Variants in SNX29 observed in about 807,000 individuals in gnomAD.
The protein encoded by SNX29 is sorting nexin 29, also known as sorting nexin-29.
SNX29 carries 78 observed loss-of-function variants against 102.1 expected under a neutral mutation model. The observed-to-expected ratio is 0.76, with a 90% CI of 0.64 to 0.92. SNX29 has a LOEUF of 0.92. Among genes scored for constraint, SNX29 ranks in the 40% least tolerant of loss-of-function variants. The pLI, the probability that SNX29 is intolerant of heterozygous loss-of-function variation, is 0.00. For synonymous variants in SNX29, 580 were observed against 414.5 expected (o/e 1.40, Z -4.85); for missense variants, 1,280 against 1,061.7 (o/e 1.21, Z -2.86).
chr16:12,331,252 C>A (rs1478057895), intron 15 of SNX29, among the ~76,000 whole-genome samples: 1 of 152,210 alleles, frequency 6.6e-6, no homozygotes, highest in Non-Finnish European at 1.5e-5. Flanking sequence ...ACACAGAGAT[C>A]ATGAGATTTA....
In SNX29 at chr16:12,569,556, C is replaced by T. The variant is rs12446991; in HGVS notation, c.*927C>T. 23 of 231,220 alleles carry T rather than the reference C, an allele frequency of 9.9e-5. No individual in the cohort carries two copies. The highest frequency in any genetic ancestry group is 6.8e-4 in the Admixed American group (12 of 17,700). The allele number at this position is 231,220 out of a possible 1,614,324, so 14.3% of individuals were successfully genotyped here. ...GACCCAGTGTGGACACTTAACAGAT[C>T]ATGTGTCTCTCCACTAAAAACATTT... On this transcript the variant is annotated 3_prime_UTR_variant, in exon 21 of 21. Transcript: ENST00000566228.
chr16:12,364,141 C>G (rs532122266), intron 16 of SNX29, among the ~76,000 whole-genome samples: 2 of 145,638 alleles, frequency 1.4e-5, no homozygotes, highest in African/African-American at 2.6e-5. Flanking sequence ...TACAGGTGTG[C>G]GCCACCAAGC....
rs149118714 is a variant in SNX29, at chr16:12,042,893, G to C, written c.248-4G>C. 1 of 1,602,246 alleles carries C rather than the reference G, an allele frequency of 6.2e-7. No homozygotes were observed. Among genetic ancestry groups the C allele is most frequent in the Non-Finnish European group, 8.5e-7 (1 of 1,171,716 alleles). ...TGCCAGGCGCCTGTGCCCTCTCTCC[G>C]TAGAGCCCGTGTTCTGGTACTACGT... On this transcript the variant is annotated splice_region_variant and splice_polypyrimidine_tract_variant and intron_variant, in intron 4 of 20. Transcript: ENST00000566228.
At chr16:12,104,652 A>G (rs376551156) in intron 11 of SNX29, among the ~76,000 whole-genome samples, 1 of 152,036 alleles carries the variant, frequency 6.6e-6, no homozygotes, top group South Asian at 2.1e-4. Flanking sequence ...CTCCAGGATC[A>G]TTCCCAGGAT....
At chr16:12,133,321 C>G (rs1289110644) in intron 13 of SNX29, among the ~76,000 whole-genome samples, 6 of 115,620 alleles carry the variant, frequency 5.2e-5, no homozygotes, top group African/African-American at 2.0e-4. Flanking sequence ...GATAGTATCT[C>G]ACTCTGTCAC....
intron 18 of SNX29, among the ~76,000 whole-genome samples, chr16:12,406,537 T>C (rs59777126): frequency 0.061 from 9,222 of 152,296 alleles, 360 homozygotes; most frequent in East Asian, 0.2. Flanking sequence ...AGGAGAGCGG[T>C]GCTCCCTGGT....
intron 14 of SNX29, among the ~76,000 whole-genome samples, chr16:12,246,925 C>T (rs546813952): frequency 6.6e-6 from 1 of 152,128 alleles, no homozygotes; most frequent in African/African-American, 2.4e-5. Context: ...GTCTCCTTGC[C>T]TTGGATATGG....
At chr16:12,489,852 C>T (rs751086559) in intron 19 of SNX29, among the ~76,000 whole-genome samples, 31 of 152,076 alleles carry the variant, frequency 2.0e-4, no homozygotes, top group Non-Finnish European at 3.4e-4. Context: ...GTCACCCAAG[C>T]TGGAATGCAG....
At chr16:12,214,408 C>G (rs1473359965) in intron 14 of SNX29, among the ~76,000 whole-genome samples, 1 of 152,150 alleles carries the variant, frequency 6.6e-6, no homozygotes, top group African/African-American at 2.4e-5. Context: ...TGCTTTCTGT[C>G]CTGGGAGCTG....
At chr16:12,562,394 G>C (rs898557453) in intron 20 of SNX29, among the ~76,000 whole-genome samples, 4 of 152,134 alleles carry the variant, frequency 2.6e-5, no homozygotes, top group African/African-American at 9.7e-5. Flanking sequence ...TCAAGAGACA[G>C]ATCACATACC....
intron 13 of SNX29, among the ~76,000 whole-genome samples, chr16:12,131,341 C>G (rs1223321913): frequency 1.3e-5 from 2 of 152,206 alleles, no homozygotes; most frequent in African/African-American, 2.4e-5. Context: ...AGTAAACCAC[C>G]CCAGATCCCA....
intron 19 of SNX29, among the ~76,000 whole-genome samples, chr16:12,478,867 C>T (rs953614633): frequency 6.6e-5 from 10 of 152,124 alleles, no homozygotes; most frequent in African/African-American, 1.9e-4. Flanking sequence ...TTGCACTCTG[C>T]GACCAAACTG....
At chr16:12,033,080 C>A (rs1186828205) in intron 4 of SNX29, among the ~76,000 whole-genome samples, 1 of 151,964 alleles carries the variant, frequency 6.6e-6, no homozygotes, top group Admixed American at 6.6e-5. Context: ...GTCTCGAGCT[C>A]CTGGCCTCAA....
At chr16:12,544,636 G>T (rs565519526) in intron 20 of SNX29, among the ~76,000 whole-genome samples, 1 of 152,202 alleles carries the variant, frequency 6.6e-6, no homozygotes, top group African/African-American at 2.4e-5. Flanking sequence ...GGATCGGCAG[G>T]TTCATGTCAG....
chr16:12,524,899 C>A lies in SNX29; in HGVS notation c.2318+58C>A. The A allele has an allele frequency of 4.4e-6, 7 of 1,591,986 alleles. No individual in the cohort carries two copies. In the South Asian group the frequency reaches 4.5e-5, roughly 10 times the overall value. On this transcript the variant is annotated intron_variant, in intron 20 of 20. Transcript: ENST00000566228. The stretch of plus-strand genomic sequence containing the variant: ...GCCCTGCCAGCATTTTTTTCTCGGT[C>A]GTTTTGGAAGGTCAGGGAGCACAGC...
At chr16:12,173,733 A>G (rs1022219036) in intron 13 of SNX29, among the ~76,000 whole-genome samples, 3 of 152,232 alleles carry the variant, frequency 2.0e-5, no homozygotes, top group African/African-American at 7.2e-5. Context: ...CTTGCTTATA[A>G]CTTAATGCGA....
rs574092137 is a variant in SNX29, at chr16:12,563,089, A to G, written c.2319-5417A>G. Reference sequence around the variant, plus strand: ...CTGGAAGAGAAATCCAGAATGTTACATAGAAGACGCACGCTAACAACAGAG... The same window carrying G: ...CTGGAAGAGAAATCCAGAATGTTACGTAGAAGACGCACGCTAACAACAGAG... On this transcript the variant is annotated intron_variant, in intron 20 of 20. Transcript: ENST00000566228. Among the ~76,000 whole-genome samples the G allele has an allele frequency of 1.2e-4, 17 of 145,994 alleles. No homozygotes were observed. The East Asian group carries it at 2.9e-3, about 25-fold the overall frequency.
chr16:12,488,051 G>A (rs1343786141), intron 19 of SNX29, among the ~76,000 whole-genome samples: 1 of 152,186 alleles, frequency 6.6e-6, no homozygotes, highest in Non-Finnish European at 1.5e-5. Flanking sequence ...GAATATGTAT[G>A]TGGAGGCCTA....
intron 20 of SNX29, chr16:12,557,810 C>T (rs576604837): frequency 6.6e-6 from 1 of 152,252 alleles, no homozygotes; most frequent in Admixed American, 6.5e-5. Context: ...ACTATCATAT[C>T]TGCAGTCTGT....
Sources: gnomAD v4.1 joint callset for allele counts (sites outside exome capture counted in the v4.1 genomes callset) on GRCh38, gnomAD v4.1.1 for gene constraint, MANE v1.5 for transcripts, NCBI Gene and HGNC (gene_info 2026-07-23, HGNC 2026-07-21) for gene names.